ZNF14: variants seen among roughly 807,000 people sequenced by gnomAD.
ZNF14 encodes the protein gonadotropin inducible transcription repressor-4.
ZNF14 carries 9 observed loss-of-function variants against 11.3 expected under a neutral mutation model. That is an observed-to-expected ratio of 0.80 (90% CI 0.48 to 1.39). ZNF14 has a LOEUF of 1.39. Ranked by LOEUF, ZNF14 falls within the 40% of genes most tolerant of loss-of-function variation. The pLI is 0.00. For missense variants in ZNF14, 711 were observed against 763.9 expected, an observed-to-expected ratio of 0.93 and a Z score of 0.82; for synonymous variants, 239 against 245.7, an observed-to-expected ratio of 0.97 and a Z score of 0.25.
intron 1 of ZNF14, among the ~76,000 whole-genome samples, chr19:19,730,124 T>C (rs747422010): frequency 6.6e-6 from 1 of 152,098 alleles, no homozygotes; most frequent in Non-Finnish European, 1.5e-5. Context: ...TTCAAGCAAT[T>C]CTAATTCTCC....
intron 1 of ZNF14, among the ~76,000 whole-genome samples, chr19:19,728,382 G>A (rs2062412007): frequency 7.8e-6 from 1 of 128,312 alleles, no homozygotes; most frequent in African/African-American, 2.9e-5. Context: ...CAGGCATGGT[G>A]GCAGGCACCT....
At chr19:19,722,580 T>C (rs192152420) in intron 1 of ZNF14, among the ~76,000 whole-genome samples, 8 of 152,316 alleles carry the variant, frequency 5.3e-5, no homozygotes, top group African/African-American at 1.9e-4. Context: ...CCATATGAAC[T>C]TTAAAGTAGT....
At position 19,720,370 on chromosome 19, in the gene ZNF14, C is replaced by T. The variant is rs975037612; in HGVS notation, c.4-5883G>A. Among the ~76,000 whole-genome samples, 2 of 147,774 alleles carry T rather than the reference C, an allele frequency of 1.4e-5. No individual in the cohort carries two copies. Among genetic ancestry groups the T allele is most frequent in the Non-Finnish European group, 3.0e-5 (2 of 67,222 alleles). The stretch of plus-strand genomic sequence containing the variant: ...TTTTTTTTTTTTTGAGATGGAGTCT[C>T]GCTCTTGTTGCCCAGGCTGGAGTGC... On this transcript the variant is annotated intron_variant, in intron 1 of 3. Coordinates refer to ENST00000344099, the MANE Select transcript of ZNF14 (RefSeq NM_021030.3). This position sits in a 1 kb window ranked among gnomAD's most constrained non-coding sequence, Gnocchi z 4.1.
intron 1 of ZNF14, among the ~76,000 whole-genome samples, chr19:19,728,877 T>C (rs1268117660): frequency 2.6e-5 from 4 of 151,858 alleles, no homozygotes; most frequent in Non-Finnish European, 5.9e-5. Flanking sequence ...TTGTTATAAT[T>C]ATGCCAAAAG....
Position 19,728,071 on chromosome 19 carries a change from G to A in ZNF14, c.3+4885C>T, listed in dbSNP as rs1388441069. On this transcript the variant is annotated intron_variant, in intron 1 of 3. Coordinates refer to ENST00000344099, the MANE Select transcript of ZNF14 (RefSeq NM_021030.3). ...GTGGAGGTTGCAGTGAGCCAAGATC[G>A]CACCATTGCACTCCAGCCTGGGCAA... Among the ~76,000 whole-genome samples the A allele has an allele frequency of 4.5e-5, 6 of 132,022 alleles. 2 individuals are homozygous for A. Among genetic ancestry groups the A allele is most frequent in the African/African-American group, 1.7e-4 (6 of 35,558 alleles). 86.6% of individuals were successfully genotyped at this position (132,022 alleles called of 152,430 possible).
intron 1 of ZNF14, among the ~76,000 whole-genome samples, chr19:19,731,395 T>G (rs140753404): frequency 0.01 from 1,589 of 151,834 alleles, 13 homozygotes; most frequent in Admixed American, 0.017. Flanking sequence ...GCCAACATGG[T>G]GAAACCCCAT....
At chr19:19,726,052 A>G (rs2062405560) in intron 1 of ZNF14, among the ~76,000 whole-genome samples, 1 of 134,062 alleles carries the variant, frequency 7.5e-6, no homozygotes, top group Admixed American at 7.3e-5. Flanking sequence ...GAAGTTTGTT[A>G]TTACCAGTCA....
In ZNF14 at chr19:19,712,774, A is replaced by G. The variant is rs776888339; in HGVS notation, c.507T>C (p.Tyr169=). 1.2e-6 allele frequency: 2 copies of G among 1,613,718 alleles called. No individual in the cohort carries two copies. The highest frequency in any genetic ancestry group is 8.5e-7 in the Non-Finnish European group (1 of 1,179,896). The change falls in exon 4 of 4, where the codon TAT becomes TAC. Residue 169 remains tyrosine, a synonymous_variant. Coordinates refer to ENST00000344099, the MANE Select transcript of ZNF14 (RefSeq NM_021030.3). Reference sequence around the variant, plus strand: ...AGGCTTTCCCACACTGTTTACATTCATAGGGCTTCACTCCAGTGTGAGTTC... The same window carrying G: ...AGGCTTTCCCACACTGTTTACATTCGTAGGGCTTCACTCCAGTGTGAGTTC... ...HERTHTGVKP[Y]ECKQCGKAFI... is the part of the protein sequence containing the mutation.
In ZNF14 at chr19:19,727,867, T is replaced by C. The variant is rs1326497058; in HGVS notation, c.3+5089A>G. 6.0e-5 allele frequency among the ~76,000 whole-genome samples: 8 copies of C among 133,878 alleles called. 3 individuals carry two copies. The highest frequency in any genetic ancestry group is 2.2e-4 in the African/African-American group (8 of 36,250). 87.8% of individuals were successfully genotyped at this position (133,878 alleles called of 152,430 possible). ...TCAAACCAATGGACAGCACACATAA[T>C]AATAGAAAAATGCTACCAGAAACAG... On this transcript the variant is annotated intron_variant, in intron 1 of 3. Transcript: ENST00000344099.
intron 1 of ZNF14, among the ~76,000 whole-genome samples, chr19:19,719,830 TGAAAA>T (rs2062387643): frequency 6.6e-6 from 1 of 152,084 alleles, no homozygotes. Context: ...TATACGGTGT[TGAAAA>T]GAAACACATT....
At chr19:19,730,015 A>G (rs918096312) in intron 1 of ZNF14, among the ~76,000 whole-genome samples, 7 of 152,168 alleles carry the variant, frequency 4.6e-5, no homozygotes, top group Non-Finnish European at 8.8e-5. Context: ...GCTACAATAT[A>G]TGCAAACTAC....
intron 1 of ZNF14, among the ~76,000 whole-genome samples, chr19:19,729,104 G>A (rs939648284): frequency 6.6e-6 from 1 of 151,976 alleles, no homozygotes; most frequent in African/African-American, 2.4e-5. Flanking sequence ...AGCCTCCCAA[G>A]TAGCTGGGAT....
Position 19,711,622 on chromosome 19 carries a change from G to GT in ZNF14, c.1658dup (p.His553GlnfsTer10), listed in dbSNP as rs1265495270. ...TACATTGATACGGTTTCTCTCCAGT[G>GT]TGAGTCCTTTCATGCAATCGAATTT... On this transcript the variant is annotated frameshift_variant, in exon 4 of 4. Transcript: ENST00000344099. LOFTEE classifies it low-confidence loss of function (END_TRUNC). 6.2e-7 allele frequency: 1 copy of GT among 1,614,134 alleles called. No homozygotes were observed. Among genetic ancestry groups the GT allele is most frequent in the South Asian group, 1.1e-5 (1 of 91,082 alleles).
At chr19:19,731,047 T>C (rs1226900756) in intron 1 of ZNF14, among the ~76,000 whole-genome samples, 2 of 152,188 alleles carry the variant, frequency 1.3e-5, no homozygotes, top group Non-Finnish European at 2.9e-5. Context: ...AGGTCACGTA[T>C]ATTAAGCCTA....
chr19:19,712,158 A>G lies in ZNF14; in HGVS notation c.1123T>C (p.Ser375Pro). ...CTTTCATGCAATCGAAGAGAAATGG[A>G]CCAACTGAATGATTTGCCACATCGT... Reference protein sequence around the residue: ...CKRCGKSFSWSISLRLHERTH... With the variant: ...CKRCGKSFSWPISLRLHERTH... Residue 375 changes from serine to proline, a missense_variant, in exon 4 of 4, where the codon TCC (serine) becomes CCC (proline). Transcript: ENST00000344099. The G allele has an allele frequency of 6.2e-7, 1 of 1,613,990 alleles. No homozygotes were observed. The highest frequency in any genetic ancestry group is 8.5e-7 in the Non-Finnish European group (1 of 1,179,998).
chr19:19,713,030 G>A lies in ZNF14; in HGVS notation c.251C>T (p.Thr84Ile). The A allele has an allele frequency of 1.2e-6, 2 of 1,613,632 alleles. No individual in the cohort carries two copies. Among genetic ancestry groups the A allele is most frequent in the Non-Finnish European group, 1.7e-6 (2 of 1,179,742 alleles). ...SRRGSKCGET[T>I]SQMPNVNINK... ...GATATTAACATTTGGCATCTGGCTA[G>A]TGGTTTCTCCACATTTGCTACCTCT... The change falls in exon 4 of 4, where the codon ACT (threonine) becomes ATT (isoleucine). Residue 84 changes from threonine (T) to isoleucine (I), a missense_variant. Coordinates refer to ENST00000344099, the MANE Select transcript of ZNF14 (RefSeq NM_021030.3).
At chr19:19,714,321 T>C in intron 2 of ZNF14, 40 bp downstream of exon 2, 1 of 1,611,874 alleles carries the variant, frequency 6.2e-7, no homozygotes, top group South Asian at 1.1e-5. Flanking sequence ...TTGTTCTGTG[T>C]TCTATATTTA....
rs758154734 is a variant in ZNF14, at chr19:19,711,796, T to G, written c.1485A>C (p.Arg495Ser). Reference protein sequence around the residue: ...IRSSSFRLHERTHTGEKPYEC... With the variant: ...IRSSSFRLHESTHTGEKPYEC... ...CATAGGGTTTCTCTCCAGTGTGTGT[T>G]CTTTCATGCAGTCGAAAGGAACTGG... Residue 495 changes from arginine to serine, a missense_variant, in exon 4 of 4, where the codon AGA becomes AGC. By Grantham distance (110) the Arg-to-Ser change is moderately radical. Coordinates refer to ENST00000344099, the MANE Select transcript of ZNF14 (RefSeq NM_021030.3). 1.4e-5 allele frequency: 22 copies of G among 1,613,076 alleles called. No homozygotes were observed. The East Asian group carries it at 4.7e-4, about 34-fold the overall frequency.
At position 19,715,450 on chromosome 19, in the gene ZNF14, C is replaced by T. The variant is rs1393187035; in HGVS notation, c.4-963G>A. Among the ~76,000 whole-genome samples the T allele has an allele frequency of 3.3e-5, 5 of 152,290 alleles. 1 individual carries two copies. The East Asian group carries it at 9.6e-4, about 29-fold the overall frequency. Reference sequence around the variant, plus strand: ...TGCACCCACCCAGTTGGATTAACATCCAAAGAACTGAGCCCCAAACAGAGT... The same window carrying T: ...TGCACCCACCCAGTTGGATTAACATTCAAAGAACTGAGCCCCAAACAGAGT... On this transcript the variant is annotated intron_variant, in intron 1 of 3. Transcript: ENST00000344099.
Sources: gnomAD v4.1 joint callset for allele counts (sites outside exome capture counted in the v4.1 genomes callset) on GRCh38, gnomAD v4.1.1 for gene constraint, Gnocchi (gnomAD v3.1) non-coding constraint, MANE v1.5 for transcripts, NCBI Gene and HGNC (gene_info 2026-07-23, HGNC 2026-07-21) for gene names.